Variants in PCSK5 observed in about 807,000 individuals in gnomAD.
The protein encoded by PCSK5 is prohormone convertase 5.
PCSK5 carries 129 observed loss-of-function variants against 233.2 expected under a neutral mutation model. The observed-to-expected ratio is 0.55, with a 90% CI of 0.48 to 0.64. The LOEUF is 0.64. PCSK5 is among the 30% of genes least tolerant of loss of function. The pLI, the probability that PCSK5 is intolerant of heterozygous loss-of-function variation, is 0.00. For synonymous variants in PCSK5, 825 were observed against 879.2 expected (o/e 0.94, Z 1.09); for missense variants, 2,076 against 2,430.1 (o/e 0.85, Z 3.06).
intron 22 of PCSK5, among the ~76,000 whole-genome samples, chr9:76,234,215 C>T (rs1826183121): frequency 6.6e-6 from 1 of 152,108 alleles, no homozygotes; most frequent in Non-Finnish European, 1.5e-5. Flanking sequence ...TTTCTATATA[C>T]TACTTTTTAA....
At position 76,310,816 on chromosome 9, in the gene PCSK5, C is replaced by G. The variant is rs1436307406; in HGVS notation, c.3849C>G (p.Phe1283Leu). The part of the protein sequence containing the change: ...KCQMQPGHPL[F>L]LHEGRCYSKC... ...AGATGCAGCCGGGCCACCCTCTCTT[C>G]CTCCATGAAGGCAGGTGCTACTCCA... The change falls in exon 30 of 38, where the codon TTC (phenylalanine) becomes TTG (leucine). Residue 1283 changes from phenylalanine (F) to leucine (L), a missense_variant. Transcript: ENST00000674117. 1.9e-6 allele frequency: 3 copies of G among 1,608,796 alleles called. No individual in the cohort carries two copies. In the South Asian group the frequency reaches 3.3e-5, roughly 18 times the overall value.
intron 35 of PCSK5, 143 bp from the exon 36 acceptor site, chr9:76,350,685 C>CT (rs1224675935): frequency 1.7e-6 from 1 of 590,902 alleles, no homozygotes. Flanking sequence ...GTGTGGGAGA[C>CT]TTTTTTCTTT....
intron 2 of PCSK5, among the ~76,000 whole-genome samples, chr9:75,943,099 G>A (rs1824395068): frequency 6.6e-6 from 1 of 151,824 alleles, no homozygotes; most frequent in Admixed American, 6.6e-5. Context: ...TGGCCAGGCT[G>A]GTCTCGAACT....
At position 75,988,922 on chromosome 9, in the gene PCSK5, G is replaced by C. The variant is rs981653715; in HGVS notation, c.411+2677G>C. On this transcript the variant is annotated intron_variant, in intron 3 of 37. Transcript: ENST00000674117. ...CTGTCTCCACCCTTCTGCTGTTTAC[G>C]GTGCTGTGAGGAAGCCTCTAATCTA... Among the ~76,000 whole-genome samples, 2 of 152,152 alleles carry C rather than the reference G, an allele frequency of 1.3e-5. 1 individual carries two copies.
At chr9:76,270,588 T>C (rs1397746676) in intron 24 of PCSK5, among the ~76,000 whole-genome samples, 2 of 152,146 alleles carry the variant, frequency 1.3e-5, no homozygotes, top group Non-Finnish European at 2.9e-5. Context: ...GGACCCCTTC[T>C]GTGGGGGATG....
At chr9:76,326,803 G>C (rs555077359) in intron 32 of PCSK5, among the ~76,000 whole-genome samples, 1 of 152,054 alleles carries the variant, frequency 6.6e-6, no homozygotes, top group Admixed American at 6.6e-5. Context: ...AGGTACTAAC[G>C]ACCATAAGCC....
chr9:76,194,548 ATGCCAT>A, intron 20 of PCSK5: 1 of 220,434 alleles, frequency 4.5e-6, no homozygotes, highest in South Asian at 5.2e-5. Flanking sequence ...CTCTATAACT[ATGCCAT>A]ACTATTATAT....
chr9:76,349,296 A>G (rs1388039897), intron 35 of PCSK5, among the ~76,000 whole-genome samples: 1 of 151,236 alleles, frequency 6.6e-6, no homozygotes, highest in African/African-American at 2.4e-5. Context: ...AAAAAAGAAA[A>G]AAGAAAAAGA....
chr9:76,082,183 A>T (rs1473274058), intron 7 of PCSK5, among the ~76,000 whole-genome samples: 1 of 152,208 alleles, frequency 6.6e-6, no homozygotes, highest in Non-Finnish European at 1.5e-5. Context: ...AGGAAAGGAC[A>T]GTTTAAAAGT....
intron 28 of PCSK5, among the ~76,000 whole-genome samples, chr9:76,303,511 A>G (rs908079995): frequency 6.6e-6 from 1 of 152,260 alleles, no homozygotes; most frequent in Admixed American, 6.5e-5. Context: ...TAGTATATAC[A>G]TGATAACATC....
At chr9:75,967,083 GTTTTA>G (rs1825621082) in intron 2 of PCSK5, among the ~76,000 whole-genome samples, 1 of 151,376 alleles carries the variant, frequency 6.6e-6, no homozygotes. Flanking sequence ...TTTTTTAAGT[GTTTTA>G]TTTATTTATT....
intron 3 of PCSK5, among the ~76,000 whole-genome samples, chr9:76,002,439 T>C (rs912165173): frequency 1.3e-5 from 2 of 152,198 alleles, no homozygotes; most frequent in Non-Finnish European, 2.9e-5. Flanking sequence ...AAAAATTGCC[T>C]TCCTTGGAAG....
At chr9:75,993,720 G>A (rs12555900) in intron 3 of PCSK5, among the ~76,000 whole-genome samples, 1,748 of 152,244 alleles carry the variant, frequency 0.011, 21 homozygotes, top group South Asian at 0.045. Context: ...GAAAGAAAAC[G>A]CACATGGGGC....
intron 5 of PCSK5, among the ~76,000 whole-genome samples, chr9:76,055,937 T>C (rs77013545): frequency 6.6e-6 from 1 of 152,188 alleles, no homozygotes; most frequent in African/African-American, 2.4e-5. Context: ...CATGACCAAT[T>C]AGAAACATCA....
At chr9:76,177,938 T>C (rs953353673) in intron 14 of PCSK5, among the ~76,000 whole-genome samples, 3 of 137,362 alleles carry the variant, frequency 2.2e-5, no homozygotes, top group Admixed American at 7.5e-5. Context: ...ATATCAAGAA[T>C]AAATGTTTGG....
chr9:76,323,079 A>T lies in PCSK5; in HGVS notation c.4130A>T (p.Asp1377Val), dbSNP rs1445496107. ...TGCACGCCTGAGTTCTTCCTGCACG[A>T]TGATATGTGCCACCAGTCCTGTCCC... ...KECTPEFFLHDDMCHQSCPRG... is the reference protein window; with the variant it reads ...KECTPEFFLHVDMCHQSCPRG... Residue 1377 changes from aspartate to valine, a missense_variant, in exon 32 of 38, where the codon GAT (aspartate) becomes GTT (valine). Transcript: ENST00000674117. 1 of 1,607,320 alleles carries T rather than the reference A, an allele frequency of 6.2e-7. No individual in the cohort carries two copies. The highest frequency in any genetic ancestry group is 1.3e-5 in the African/African-American group (1 of 74,902).
rs1201492985 is a variant in PCSK5 at position 76,351,521 on chromosome 9, AAAGAAAGAAAGG to A, written c.5067+597_5067+608del. Among the ~76,000 whole-genome samples the A allele has an allele frequency of 1.8e-3, 227 of 124,942 alleles. 40 individuals are homozygous for A. Among genetic ancestry groups the A allele is most frequent in the African/African-American group, 6.3e-3 (208 of 32,876 alleles). 82.0% of individuals were successfully genotyped at this position (124,942 alleles called of 152,430 possible). ...GAAAGAAAGAAAGAAAGAAAGAAAG[AAAGAAAGAAAGG>A]AAGGAAAGAAAGAGAAAGAAGAGAG... On this transcript the variant is annotated intron_variant, in intron 36 of 37. Coordinates refer to ENST00000674117, the MANE Select transcript of PCSK5 (RefSeq NM_001372043.1).
chr9:76,282,729 C>G (rs1827922475), intron 24 of PCSK5, among the ~76,000 whole-genome samples: 1 of 152,142 alleles, frequency 6.6e-6, no homozygotes, highest in South Asian at 2.1e-4. Context: ...TCCCATCACC[C>G]AGGTAGTGAG....
intron 5 of PCSK5, among the ~76,000 whole-genome samples, chr9:76,035,190 C>G (rs1828810301): frequency 6.6e-6 from 1 of 152,148 alleles, no homozygotes. Context: ...TATGTTTGTT[C>G]TTTAGCCTGG....
Sources: gnomAD v4.1 joint callset for allele counts (sites outside exome capture counted in the v4.1 genomes callset) on GRCh38, gnomAD v4.1.1 for gene constraint, MANE v1.5 for transcripts, NCBI Gene and HGNC (gene_info 2026-07-23, HGNC 2026-07-21) for gene names.